The following PLCG2 variants were observed in gnomAD, a reference collection of about 807,000 sequenced individuals.
PLCG2 encodes the protein phospholipase C gamma 2, also known as 1-phosphatidylinositol 4,5-bisphosphate phosphodiesterase gamma-2.
PLCG2 carries 69 observed loss-of-function variants against 175.6 expected under a neutral mutation model. The ratio of observed to expected loss-of-function variants is 0.39; its 90% confidence interval spans 0.32 to 0.48. The LOEUF is 0.48. Among genes scored for constraint, PLCG2 ranks in the 20% least tolerant of loss-of-function variants. The pLI, the probability that PLCG2 is intolerant of heterozygous loss-of-function variation, is 0.91. For synonymous variants in PLCG2, 827 were observed against 624.0 expected, an observed-to-expected ratio of 1.33 and a Z score of -4.85; for missense variants, 1,798 against 1,650.9, an observed-to-expected ratio of 1.09 and a Z score of -1.54.
upstream of PLCG2, among the ~76,000 whole-genome samples, chr16:81,776,772 C>CGTGA (rs1910418405): frequency 6.6e-6 from 1 of 152,060 alleles, no homozygotes; most frequent in Non-Finnish European, 1.5e-5. Flanking sequence ...CCAGGATAGT[C>CGTGA]GTGAACTCCT....
chr16:81,824,264 A>G (rs537045542), intron 2 of PLCG2, among the ~76,000 whole-genome samples: 184 of 151,854 alleles, frequency 1.2e-3, no homozygotes, highest in South Asian at 1.9e-3. Context: ...CTCCCAAGTA[A>G]CTAGGATTAT....
At chr16:81,810,675 T>C (rs1358347939) in intron 2 of PLCG2, among the ~76,000 whole-genome samples, 1 of 151,798 alleles carries the variant, frequency 6.6e-6, no homozygotes, top group African/African-American at 2.4e-5. Context: ...TGTTGCTCTT[T>C]AAAATGGCCC....
intron 2 of PLCG2, among the ~76,000 whole-genome samples, chr16:81,825,299 T>TG (rs539294682): frequency 1.4e-5 from 2 of 147,398 alleles, no homozygotes; most frequent in Non-Finnish European, 3.0e-5. Context: ...TTTTTTTTTT[T>TG]TTTTTTTGAG....
At chr16:81,746,227 C>T (rs1030681852) in intron 1 of PLCG2, among the ~76,000 whole-genome samples, 3 of 152,208 alleles carry the variant, frequency 2.0e-5, no homozygotes, top group Non-Finnish European at 4.4e-5. Flanking sequence ...TCAGCCCTCC[C>T]CGGTGCTTCC....
At chr16:81,834,695 A>T (rs571530169) in intron 2 of PLCG2, among the ~76,000 whole-genome samples, 139 of 152,044 alleles carry the variant, frequency 9.1e-4, no homozygotes, top group Non-Finnish European at 1.5e-3. Context: ...ACAGGGTGAG[A>T]TCTGAGCAGG....
chr16:81,865,591 T>A (rs1018603683), intron 5 of PLCG2, among the ~76,000 whole-genome samples: 1 of 152,170 alleles, frequency 6.6e-6, no homozygotes, highest in African/African-American at 2.4e-5. Flanking sequence ...GGCCCCTCAG[T>A]CTCTCTGTTC....
chr16:81,763,273 A>G (rs182333968), intron 2 of PLCG2, among the ~76,000 whole-genome samples: 156 of 152,358 alleles, frequency 1.0e-3, no homozygotes, highest in African/African-American at 3.6e-3. Context: ...ATCTCCCTGT[A>G]TCAGTCATCC....
At chr16:81,832,706 A>C (rs1905310684) in intron 2 of PLCG2, among the ~76,000 whole-genome samples, 1 of 152,228 alleles carries the variant, frequency 6.6e-6, no homozygotes, top group South Asian at 2.1e-4. Flanking sequence ...GCCCAGGCAG[A>C]ATCTACCATT....
intron 1 of PLCG2, chr16:81,740,267 GT>G (rs1351706404): frequency 7.2e-5 from 11 of 152,156 alleles, no homozygotes; most frequent in African/African-American, 2.7e-4. Context: ...TAGGAAGCTG[GT>G]TCAGTGGGGC....
chr16:81,862,591 C>T (rs375893772), intron 5 of PLCG2, among the ~76,000 whole-genome samples: 12 of 152,114 alleles, frequency 7.9e-5, no homozygotes, highest in East Asian at 3.8e-4. Flanking sequence ...TGCTACTGGC[C>T]GAGCATGGTG....
chr16:81,938,096 A>G (rs910366971), intron 28 of PLCG2, among the ~76,000 whole-genome samples, 193 bp downstream of exon 28: 2 of 152,176 alleles, frequency 1.3e-5, no homozygotes, highest in Non-Finnish European at 2.9e-5. Context: ...AGAAGAGGGA[A>G]GAGAGGGGAA....
At chr16:81,877,949 C>G (rs920475493) in intron 7 of PLCG2, among the ~76,000 whole-genome samples, 4 of 149,876 alleles carry the variant, frequency 2.7e-5, no homozygotes, top group African/African-American at 4.9e-5. Context: ...TTCTCTGTCT[C>G]CAAATCTCCC....
chr16:81,859,086 CTCTT>C, intron 4 of PLCG2, 26 bp from the exon 5 acceptor site: 2 of 1,418,612 alleles, frequency 1.4e-6, no homozygotes, highest in Non-Finnish European at 2.0e-6. Flanking sequence ...TTCTCTTTCT[CTCTT>C]TCTTTTGTCT....
At chr16:81,871,777 G>A (rs1476874085) in intron 7 of PLCG2, among the ~76,000 whole-genome samples, 4 of 152,102 alleles carry the variant, frequency 2.6e-5, no homozygotes, top group East Asian at 1.9e-4. Flanking sequence ...GGAAAACATC[G>A]GGGCCTGAGA....
At chr16:81,949,108 G>A (rs1911268291) in intron 31 of PLCG2, among the ~76,000 whole-genome samples, 1 of 152,184 alleles carries the variant, frequency 6.6e-6, no homozygotes, top group African/African-American at 2.4e-5. Context: ...CACAATCTAG[G>A]GCAACCCCAC....
chr16:81,902,462 C>T (rs1448272769), intron 14 of PLCG2, among the ~76,000 whole-genome samples: 2 of 152,158 alleles, frequency 1.3e-5, no homozygotes, highest in Admixed American at 1.3e-4. Context: ...GGTGAGGCAG[C>T]TCTCTGGGAC....
intron 31 of PLCG2, among the ~76,000 whole-genome samples, chr16:81,952,563 A>C (rs1232015325): frequency 6.6e-6 from 1 of 152,230 alleles, no homozygotes; most frequent in Non-Finnish European, 1.5e-5. Flanking sequence ...AAAGGGGCCT[A>C]GGAACCAACC....
intron 2 of PLCG2, among the ~76,000 whole-genome samples, chr16:81,814,883 A>C (rs1291186767): frequency 6.6e-6 from 1 of 152,160 alleles, no homozygotes; most frequent in African/African-American, 2.4e-5. Context: ...AGTTGGGATA[A>C]AGATTAAATG....
At position 81,877,973 on chromosome 16, in the gene PLCG2, A is replaced by ATTTTTT. The variant is rs71146052; in HGVS notation, c.649-2916_649-2911dup. ...TCCAAATCTCCCTCTTTTTTTTTTA[A>ATTTTTT]TTTTTTTTTTTTTTTTTTTTTTTTT... On this transcript the variant is annotated intron_variant, in intron 7 of 32. Transcript: ENST00000564138. Among the ~76,000 whole-genome samples, 104 of 55,760 alleles carry ATTTTTT rather than the reference A, an allele frequency of 1.9e-3. 7 individuals carry two copies. Among genetic ancestry groups the ATTTTTT allele is most frequent in the South Asian group, 2.9e-3 (3 of 1,028 alleles). The allele number at this position is 55,760 out of a possible 152,430, so 36.6% of individuals were successfully genotyped here.
Sources: allele counts gnomAD v4.1 joint callset (sites outside exome capture counted in the v4.1 genomes callset), GRCh38; gene constraint gnomAD v4.1.1; transcripts MANE v1.5; gene names NCBI Gene and HGNC (gene_info 2026-07-23, HGNC 2026-07-21).